CFAP221: variants seen among roughly 807,000 people sequenced by gnomAD.
CFAP221 encodes the protein cilia and flagella associated protein 221, also known as cilia- and flagella-associated protein 221.
In CFAP221, 97 loss-of-function variants were observed where a neutral mutation model predicts 113.1. The ratio of observed to expected loss-of-function variants is 0.86; its 90% confidence interval spans 0.73 to 1.02. The LOEUF is 1.02. Ranked by LOEUF, CFAP221 falls within the 50% of genes least tolerant of loss-of-function variation. The pLI is 0.00. For synonymous variants in CFAP221, 331 were observed against 354.4 expected (o/e 0.93, Z 0.74); for missense variants, 1,025 against 1,013.4 (o/e 1.01, Z -0.16).
intron 6 of CFAP221, among the ~76,000 whole-genome samples, chr2:119,562,574 A>T (rs1246785511): frequency 6.6e-6 from 1 of 152,234 alleles, no homozygotes; most frequent in Non-Finnish European, 1.5e-5. Context: ...ACTGAGGCTT[A>T]TCAGACCTCA....
At position 119,656,467 on chromosome 2, in the gene CFAP221, A is replaced by G. The variant is rs148859463; in HGVS notation, c.2520A>G (p.Glu840=). The change falls in exon 24 of 24, where the codon GAA becomes GAG. Residue 840 remains glutamate, a synonymous_variant. Transcript: ENST00000413369. ...GKALNTYLIL[E] ...CACTCAACACATACCTGATTCTAGA[A>G]TGAAAGTCACCAGTAGGTCAGTCCC... The G allele has an allele frequency of 3.1e-6, 5 of 1,611,924 alleles. No homozygotes were observed. The highest frequency in any genetic ancestry group is 1.3e-5 in the African/African-American group (1 of 74,992).
chr2:119,620,427 G>A (rs1467711892), intron 14 of CFAP221, among the ~76,000 whole-genome samples: 3 of 152,086 alleles, frequency 2.0e-5, no homozygotes, highest in Admixed American at 2.0e-4. Flanking sequence ...AGAGAGTGGG[G>A]GCCAATATTC....
rs770287504 is a variant in CFAP221 at position 119,630,633 on chromosome 2, TACAG to T, written c.1798_1801del (p.Arg600LeufsTer8). The T allele has an allele frequency of 6.2e-7, 1 of 1,614,086 alleles. No individual in the cohort carries two copies. ...CTCTGTCCACAAGTCTTCAACAAGT[TACAG>T]ACCTCAAAAGCTTGCCCGAGCCCTA... On this transcript the variant is annotated frameshift_variant, in exon 18 of 24. Coordinates refer to ENST00000413369, the MANE Select transcript of CFAP221 (RefSeq NM_001271049.2). LOFTEE classifies it high-confidence loss of function.
At chr2:119,639,964 C>A in intron 21 of CFAP221, 92 bp downstream of exon 21, 2 of 1,058,898 alleles carry the variant, frequency 1.9e-6, no homozygotes, top group South Asian at 1.4e-5. Flanking sequence ...AATAATATGT[C>A]AAACCATACT....
At chr2:119,640,642 C>T (rs1687427930) in intron 21 of CFAP221, among the ~76,000 whole-genome samples, 1 of 152,154 alleles carries the variant, frequency 6.6e-6, no homozygotes, top group African/African-American at 2.4e-5. Context: ...CATCAGCTGT[C>T]AAACAAAGTT....
chr2:119,588,184 T>C (rs1683349285), intron 7 of CFAP221, among the ~76,000 whole-genome samples: 1 of 152,204 alleles, frequency 6.6e-6, no homozygotes, highest in Non-Finnish European at 1.5e-5. Flanking sequence ...TGTGGGTCCC[T>C]GCCCCTCTGA....
chr2:119,547,227 A>G (rs1680112142), intron 2 of CFAP221, among the ~76,000 whole-genome samples: 1 of 152,194 alleles, frequency 6.6e-6, no homozygotes, highest in Non-Finnish European at 1.5e-5. Flanking sequence ...TTTTATATCT[A>G]CTTCGTGGAT....
chr2:119,625,818 C>T, intron 15 of CFAP221, 130 bp downstream of exon 15: 1 of 683,660 alleles, frequency 1.5e-6, no homozygotes, highest in Non-Finnish European at 2.5e-6. Context: ...GTTTCCTATC[C>T]TTGCTATAAC....
chr2:119,574,776 A>G (rs1332863193), intron 6 of CFAP221, among the ~76,000 whole-genome samples: 1 of 152,192 alleles, frequency 6.6e-6, no homozygotes, highest in Non-Finnish European at 1.5e-5. Flanking sequence ...ATGCTTGTCA[A>G]AATATTTAGA....
intron 6 of CFAP221, among the ~76,000 whole-genome samples, chr2:119,565,721 A>G (rs1351123366): frequency 6.6e-6 from 1 of 152,368 alleles, no homozygotes; most frequent in African/African-American, 2.4e-5. Context: ...GGCAGCAGGC[A>G]TAGCCTTCCA....
intron 7 of CFAP221, among the ~76,000 whole-genome samples, chr2:119,588,290 G>A (rs1365890402): frequency 6.6e-6 from 1 of 152,162 alleles, no homozygotes; most frequent in Non-Finnish European, 1.5e-5. Flanking sequence ...CAGCGTGCAG[G>A]TTTACAGGTA....
At chr2:119,586,865 G>A in intron 6 of CFAP221, 1 of 346,156 alleles carries the variant, frequency 2.9e-6, no homozygotes, top group African/African-American at 2.1e-5. Flanking sequence ...GTCACCTTGT[G>A]TGGAACACTT....
At chr2:119,644,292 T>A (rs1019915873) in intron 21 of CFAP221, among the ~76,000 whole-genome samples, 5 of 152,192 alleles carry the variant, frequency 3.3e-5, no homozygotes, top group African/African-American at 1.2e-4. Flanking sequence ...GAGGAACTGG[T>A]CTCAGAATTT....
At chr2:119,611,959 G>A (rs967211701) in intron 13 of CFAP221, among the ~76,000 whole-genome samples, 1 of 152,080 alleles carries the variant, frequency 6.6e-6, no homozygotes, top group African/African-American at 2.4e-5. Flanking sequence ...ACATACTTTG[G>A]CCACTCCTTT....
chr2:119,561,120 C>G (rs941373625), intron 5 of CFAP221, among the ~76,000 whole-genome samples: 1 of 151,986 alleles, frequency 6.6e-6, no homozygotes, highest in Admixed American at 6.6e-5. Context: ...GAAACCCCAT[C>G]TCTACTAAAA....
chr2:119,594,665 T>A (rs1009339298), intron 7 of CFAP221, among the ~76,000 whole-genome samples: 3 of 152,194 alleles, frequency 2.0e-5, no homozygotes, highest in African/African-American at 7.2e-5. Context: ...CTCTACTCAA[T>A]GTTGAATACA....
intron 6 of CFAP221, among the ~76,000 whole-genome samples, chr2:119,562,822 C>T (rs1047241516): frequency 6.6e-6 from 1 of 152,042 alleles, no homozygotes; most frequent in Non-Finnish European, 1.5e-5. Flanking sequence ...GTTCCAGGAC[C>T]CCCCACAGGG....
intron 16 of CFAP221, among the ~76,000 whole-genome samples, chr2:119,629,130 G>A (rs539503560): frequency 6.6e-6 from 1 of 152,296 alleles, no homozygotes; most frequent in East Asian, 1.9e-4. Context: ...GGGAAATGGT[G>A]TCATTGTGGC....
intron 7 of CFAP221, among the ~76,000 whole-genome samples, chr2:119,598,856 G>A (rs1248848113): frequency 6.6e-6 from 1 of 152,108 alleles, no homozygotes; most frequent in Admixed American, 6.6e-5. Flanking sequence ...AAATCAGCCG[G>A]GTCAAGGCAA....
Sources: allele counts gnomAD v4.1 joint callset (sites outside exome capture counted in the v4.1 genomes callset), GRCh38; gene constraint gnomAD v4.1.1; transcripts MANE v1.5; gene names NCBI Gene and HGNC (gene_info 2026-07-23, HGNC 2026-07-21).